Variants in SLC24A2 observed in about 807,000 individuals in gnomAD.
SLC24A2 encodes solute carrier family 24 member 2, also known as sodium/potassium/calcium exchanger 2.
SLC24A2 carries 36 observed loss-of-function variants against 62.0 expected under a neutral mutation model. That is an observed-to-expected ratio of 0.58 (90% CI 0.44 to 0.77). The LOEUF (loss-of-function observed/expected upper bound fraction) is 0.77. Ranked by LOEUF, SLC24A2 falls within the 30% of genes least tolerant of loss-of-function variation. The probability of loss-of-function intolerance (pLI) is 0.00; values close to 1 mark genes in which losing one functional copy is unlikely to be tolerated. For missense variants in SLC24A2, 846 were observed against 817.9 expected, an observed-to-expected ratio of 1.03 and a Z score of -0.42; for synonymous variants, 358 against 294.0, an observed-to-expected ratio of 1.22 and a Z score of -2.23.
chr9:20,014,517 T>TATATATATGTATATATACAC, the SLC24A2 span, among the ~76,000 whole-genome samples: 6 of 148,464 alleles, frequency 4.0e-5, no homozygotes, highest in African/African-American at 1.5e-4. Flanking sequence ...TATATATATA[T>TATATATATGTATATATACAC]ACACACACAC....
chr9:19,638,270 T>C (rs1818408646), intron 2 of SLC24A2, among the ~76,000 whole-genome samples: 1 of 152,212 alleles, frequency 6.6e-6, no homozygotes, highest in Non-Finnish European at 1.5e-5. Flanking sequence ...AGCACTGAGT[T>C]GGAGAAAAAG....
rs1272666206 is a variant in SLC24A2, at chr9:19,672,994, C to G, written c.931-50695G>C. The stretch of plus-strand genomic sequence containing the variant: ...GGAGAATGTTCCATGTGCTGGTCAA[C>G]AGAATGTATATTCTGCAGTTGTTGG... On this transcript the variant is annotated intron_variant, in intron 2 of 10. Transcript: ENST00000341998. Among the ~76,000 whole-genome samples, 2 of 146,350 alleles carry G rather than the reference C, an allele frequency of 1.4e-5. 1 individual carries two copies. Among genetic ancestry groups the G allele is most frequent in the Non-Finnish European group, 3.0e-5 (2 of 67,448 alleles).
the SLC24A2 span, among the ~76,000 whole-genome samples, chr9:20,235,782 C>G: frequency 6.6e-6 from 1 of 152,216 alleles, no homozygotes; most frequent in African/African-American, 2.4e-5. Flanking sequence ...AAACCAGTAC[C>G]TCAGTTTGAA....
intron 9 of SLC24A2, among the ~76,000 whole-genome samples, chr9:19,524,137 CAAA>C (rs57173482): frequency 2.4e-3 from 206 of 84,710 alleles, no homozygotes; most frequent in African/African-American, 8.7e-3. Context: ...ACTTCATTTT[CAAA>C]AAAAAAAAAA....
At chr9:19,763,199 G>C (rs1822398426) in intron 2 of SLC24A2, among the ~76,000 whole-genome samples, 1 of 152,200 alleles carries the variant, frequency 6.6e-6, no homozygotes, top group Non-Finnish European at 1.5e-5. Flanking sequence ...TTGTTTATCA[G>C]CTTAAGGAGT....
At chr9:20,185,462 T>C in the SLC24A2 span, among the ~76,000 whole-genome samples, 1 of 152,000 alleles carries the variant, frequency 6.6e-6, no homozygotes, top group East Asian at 1.9e-4. Context: ...TCAGGAGATC[T>C]AGACCATCCT....
At chr9:19,625,927 T>A (rs2117944341) in intron 2 of SLC24A2, among the ~76,000 whole-genome samples, 1 of 152,202 alleles carries the variant, frequency 6.6e-6, no homozygotes, top group South Asian at 2.1e-4. Flanking sequence ...CCTCAGGTTA[T>A]CCACCCACCT....
chr9:20,237,916 T>A, the SLC24A2 span, among the ~76,000 whole-genome samples: 1 of 152,178 alleles, frequency 6.6e-6, no homozygotes, highest in Non-Finnish European at 1.5e-5. Flanking sequence ...AGTCAGGTAG[T>A]TCTGGAAGGC....
the SLC24A2 span, among the ~76,000 whole-genome samples, chr9:20,208,241 T>C: frequency 6.6e-6 from 1 of 152,130 alleles, no homozygotes; most frequent in Non-Finnish European, 1.5e-5. Context: ...CAGGTTAACG[T>C]GGCTGGGGTA....
chr9:19,917,889 T>C, the SLC24A2 span, among the ~76,000 whole-genome samples: 1 of 152,160 alleles, frequency 6.6e-6, no homozygotes, highest in Non-Finnish European at 1.5e-5. Context: ...CAGTATTATA[T>C]AAGTGTGGAC....
chr9:20,101,527 G>T, the SLC24A2 span, among the ~76,000 whole-genome samples: 7 of 152,142 alleles, frequency 4.6e-5, no homozygotes, highest in Non-Finnish European at 7.3e-5. Flanking sequence ...TTGTAGAATA[G>T]TATGAGAGAA....
the SLC24A2 span, among the ~76,000 whole-genome samples, chr9:20,112,161 A>C: frequency 1.1e-4 from 16 of 152,184 alleles, no homozygotes; most frequent in Non-Finnish European, 1.5e-4. Context: ...CTATCTCTGC[A>C]AACTGGAAGT....
the SLC24A2 span, among the ~76,000 whole-genome samples, chr9:20,237,761 T>G: frequency 8.5e-5 from 13 of 152,110 alleles, no homozygotes; most frequent in Non-Finnish European, 2.9e-5. Flanking sequence ...CAGGCCTCTG[T>G]TGTGGTGGGT....
chr9:20,268,775 T>G, the SLC24A2 span, among the ~76,000 whole-genome samples: 324 of 152,324 alleles, frequency 2.1e-3, 2 homozygotes, highest in African/African-American at 7.4e-3. Flanking sequence ...CAGGGCCTAT[T>G]TGAATATACT....
chr9:19,777,265 G>A (rs560740105), intron 2 of SLC24A2, among the ~76,000 whole-genome samples: 8 of 152,206 alleles, frequency 5.3e-5, no homozygotes, highest in African/African-American at 1.9e-4. Flanking sequence ...TCAAAGCCCA[G>A]ACTCCCAAAT....
chr9:19,994,515 T>C, the SLC24A2 span, among the ~76,000 whole-genome samples: 2 of 152,274 alleles, frequency 1.3e-5, no homozygotes, highest in South Asian at 4.1e-4. Flanking sequence ...TCACGTTCGC[T>C]CATTCACAGT....
chr9:20,260,893 T>C, the SLC24A2 span, among the ~76,000 whole-genome samples: 2 of 137,394 alleles, frequency 1.5e-5, no homozygotes, highest in Admixed American at 8.7e-5. Context: ...TCTCACCCTG[T>C]TGCCCAGGCT....
the SLC24A2 span, among the ~76,000 whole-genome samples, chr9:20,259,262 A>C: frequency 6.6e-6 from 1 of 152,318 alleles, no homozygotes; most frequent in African/African-American, 2.4e-5. Context: ...CAGAATTGTA[A>C]GATTAAAAGA....
At chr9:20,095,826 G>C in the SLC24A2 span, among the ~76,000 whole-genome samples, 307 of 152,258 alleles carry the variant, frequency 2.0e-3, 1 homozygote, top group Admixed American at 4.6e-3. Context: ...AAGCATGGTG[G>C]AAGGCGAAAG....
Sources: allele counts gnomAD v4.1 joint callset (sites outside exome capture counted in the v4.1 genomes callset), GRCh38; gene constraint gnomAD v4.1.1; transcripts MANE v1.5; gene names NCBI Gene and HGNC (gene_info 2026-07-23, HGNC 2026-07-21).